The following CNTNAP2 variants were observed in gnomAD, a reference collection of about 807,000 sequenced individuals.
The protein encoded by CNTNAP2 is contactin-associated protein-like 2.
CNTNAP2 carries 98 observed loss-of-function variants against 155.2 expected under a neutral mutation model. The observed-to-expected ratio is 0.63, with a 90% CI of 0.54 to 0.75. CNTNAP2 has a LOEUF of 0.75. CNTNAP2 is among the 30% of genes least tolerant of loss of function. The pLI is 0.00. For missense variants in CNTNAP2, 1,727 were observed against 1,688.1 expected (o/e 1.02, Z -0.40); for synonymous variants, 651 against 631.2 (o/e 1.03, Z -0.47).
intron 8 of CNTNAP2, among the ~76,000 whole-genome samples, chr7:147,284,381 C>A (rs1805129261): frequency 1.3e-5 from 2 of 151,764 alleles, no homozygotes; most frequent in Non-Finnish European, 2.9e-5. Flanking sequence ...CAAATTCTAA[C>A]CCAACTCTAT....
At position 146,117,235 on chromosome 7, in the gene CNTNAP2, G is replaced by C. The variant is rs111557555; in HGVS notation, c.97+262G>C. On this transcript the variant is annotated intron_variant, in intron 1 of 23. Coordinates refer to ENST00000361727, the MANE Select transcript of CNTNAP2 (RefSeq NM_014141.6). ...TGATCGGTTGGCAAGAGCTTGGCTA[G>C]AGAGACTGATGTAGATGGCAGCTTC... is the stretch of plus-strand genomic sequence containing the variant. 210 of 519,352 alleles carry C rather than the reference G, an allele frequency of 4.0e-4. 1 individual carries two copies. Among genetic ancestry groups the C allele is most frequent in the African/African-American group, 3.3e-3 (174 of 52,766 alleles). The allele number at this position is 519,352 out of a possible 1,614,324, so 32.2% of individuals were successfully genotyped here.
intron 15 of CNTNAP2, among the ~76,000 whole-genome samples, chr7:148,087,463 A>T (rs540614253): frequency 6.6e-6 from 1 of 152,110 alleles, no homozygotes; most frequent in Admixed American, 6.6e-5. Flanking sequence ...CTCAAGCATC[A>T]TTTTAAGCTA....
chr7:148,150,331 G>A (rs990536562), intron 17 of CNTNAP2, among the ~76,000 whole-genome samples: 7 of 151,770 alleles, frequency 4.6e-5, no homozygotes, highest in Admixed American at 2.6e-4. Flanking sequence ...GGCGGATCAC[G>A]AGGTCAGGAG....
At chr7:147,520,832 C>T (rs1458951001) in intron 11 of CNTNAP2, among the ~76,000 whole-genome samples, 4 of 152,152 alleles carry the variant, frequency 2.6e-5, no homozygotes, top group Non-Finnish European at 5.9e-5. Context: ...ATTATAGTCT[C>T]AGAAGGCCCA....
At chr7:147,531,683 G>T (rs1799433634) in intron 11 of CNTNAP2, among the ~76,000 whole-genome samples, 1 of 152,116 alleles carries the variant, frequency 6.6e-6, no homozygotes, top group Non-Finnish European at 1.5e-5. Flanking sequence ...CTGCTGTGAA[G>T]GTCTTTGACA....
intron 1 of CNTNAP2, among the ~76,000 whole-genome samples, chr7:146,191,613 G>A (rs144790618): frequency 2.2e-4 from 33 of 152,212 alleles, no homozygotes; most frequent in Non-Finnish European, 3.8e-4. Context: ...CGTATCAACC[G>A]TATAAGACAG....
intron 21 of CNTNAP2, among the ~76,000 whole-genome samples, chr7:148,364,725 C>T (rs1798704167): frequency 6.6e-6 from 1 of 152,136 alleles, no homozygotes; most frequent in African/African-American, 2.4e-5. Flanking sequence ...CAAAACAGGC[C>T]ACAGGGCTCT....
At chr7:147,607,426 C>G (rs1372251164) in intron 12 of CNTNAP2, among the ~76,000 whole-genome samples, 1 of 150,006 alleles carries the variant, frequency 6.7e-6, no homozygotes, top group Non-Finnish European at 1.5e-5. Context: ...CTCTCTCTCT[C>G]TCTCTTCTTT....
At chr7:148,111,854 C>T (rs769014376) in intron 15 of CNTNAP2, among the ~76,000 whole-genome samples, 1 of 152,140 alleles carries the variant, frequency 6.6e-6, no homozygotes, top group Non-Finnish European at 1.5e-5. Context: ...AAGTTAACCT[C>T]GAGTATCTCT....
intron 21 of CNTNAP2, among the ~76,000 whole-genome samples, chr7:148,337,713 A>G (rs571715740): frequency 7.9e-5 from 12 of 152,308 alleles, no homozygotes; most frequent in Admixed American, 2.6e-4. Context: ...ATGTATTTCT[A>G]GCCAGCTCTT....
chr7:146,491,712 G>C (rs1195922520), intron 1 of CNTNAP2, among the ~76,000 whole-genome samples: 1 of 152,148 alleles, frequency 6.6e-6, no homozygotes, highest in African/African-American at 2.4e-5. Flanking sequence ...TTCAGAAGCT[G>C]AGATGAAACT....
At chr7:146,322,162 AG>A (rs1476991926) in intron 1 of CNTNAP2, among the ~76,000 whole-genome samples, 1 of 152,152 alleles carries the variant, frequency 6.6e-6, no homozygotes, top group Non-Finnish European at 1.5e-5. Context: ...ATTCTGCCTA[AG>A]GCCAATACTA....
chr7:147,369,427 C>T (rs900309436), intron 9 of CNTNAP2, among the ~76,000 whole-genome samples: 13 of 152,158 alleles, frequency 8.5e-5, no homozygotes, highest in African/African-American at 3.1e-4. Flanking sequence ...CATGAGACTT[C>T]CCTCTTCCTC....
At chr7:146,885,857 T>G (rs1795645731) in intron 3 of CNTNAP2, among the ~76,000 whole-genome samples, 1 of 152,070 alleles carries the variant, frequency 6.6e-6, no homozygotes, top group Non-Finnish European at 1.5e-5. Context: ...CAATAATATG[T>G]GAGTGTATTT....
At chr7:147,107,208 T>C (rs1800783269) in intron 4 of CNTNAP2, among the ~76,000 whole-genome samples, 1 of 152,190 alleles carries the variant, frequency 6.6e-6, no homozygotes, top group African/African-American at 2.4e-5. Context: ...TTACATTGCA[T>C]TTTGAATCAT....
intron 21 of CNTNAP2, among the ~76,000 whole-genome samples, chr7:148,375,307 C>T (rs190961907): frequency 1.3e-4 from 19 of 147,312 alleles, no homozygotes; most frequent in African/African-American, 4.4e-4. Flanking sequence ...AATATATAAA[C>T]TATAAATATA....
chr7:146,179,830 A>C (rs971653540), intron 1 of CNTNAP2, among the ~76,000 whole-genome samples: 6 of 152,208 alleles, frequency 3.9e-5, no homozygotes, highest in Non-Finnish European at 2.9e-5. Flanking sequence ...GATAATCTCT[A>C]TTATTTTGGT....
chr7:146,235,554 G>C (rs1316525762), intron 1 of CNTNAP2, among the ~76,000 whole-genome samples: 2 of 152,158 alleles, frequency 1.3e-5, no homozygotes, highest in African/African-American at 4.8e-5. Flanking sequence ...GGGAAACTGA[G>C]AACCCTTAGA....
At chr7:146,656,159 G>T (rs181235163) in intron 1 of CNTNAP2, among the ~76,000 whole-genome samples, 1 of 152,306 alleles carries the variant, frequency 6.6e-6, no homozygotes, top group East Asian at 1.9e-4. Context: ...GACTGGTTCT[G>T]CATGTTTCAA....
Sources: gnomAD v4.1 joint callset for allele counts (sites outside exome capture counted in the v4.1 genomes callset) on GRCh38, gnomAD v4.1.1 for gene constraint, MANE v1.5 for transcripts, NCBI Gene and HGNC (gene_info 2026-07-23, HGNC 2026-07-21) for gene names.